Variants in ZC3H7B observed in about 807,000 individuals in gnomAD.
ZC3H7B encodes zinc finger CCCH domain-containing protein 7B.
In ZC3H7B, 35 loss-of-function variants were observed where a neutral mutation model predicts 116.0. That is an observed-to-expected ratio of 0.30 (90% CI 0.23 to 0.40). ZC3H7B has a LOEUF of 0.40. Ranked by LOEUF, ZC3H7B falls within the 10% of genes least tolerant of loss-of-function variation. The pLI, the probability that ZC3H7B is intolerant of heterozygous loss-of-function variation, is 1.00. For missense variants in ZC3H7B, 1,011 were observed against 1,321.5 expected (o/e 0.77, Z 3.64); for synonymous variants, 502 against 545.6 (o/e 0.92, Z 1.11).
chr22:41,320,406 G>C (rs2036239909), intron 1 of ZC3H7B, among the ~76,000 whole-genome samples: 3 of 152,076 alleles, frequency 2.0e-5, no homozygotes, highest in Admixed American at 2.0e-4. Flanking sequence ...GCCTGTGTGG[G>C]AAAGGGCAGG....
intron 1 of ZC3H7B, among the ~76,000 whole-genome samples, chr22:41,304,690 A>G (rs140319827): frequency 7.2e-5 from 11 of 152,210 alleles, no homozygotes; most frequent in African/African-American, 2.7e-4. Flanking sequence ...AGGGTGGAGA[A>G]GAAGGGAATT....
At chr22:41,310,480 A>G (rs887696757) in intron 1 of ZC3H7B, among the ~76,000 whole-genome samples, 22 of 152,250 alleles carry the variant, frequency 1.4e-4, no homozygotes, top group African/African-American at 5.1e-4. Flanking sequence ...CCTCCCTGTC[A>G]GCACAAGGCA....
At chr22:41,347,336 G>A (rs1428801573) in intron 14 of ZC3H7B, among the ~76,000 whole-genome samples, 3 of 152,228 alleles carry the variant, frequency 2.0e-5, no homozygotes, top group Non-Finnish European at 4.4e-5. Flanking sequence ...CCTTTCCTCG[G>A]CCCTCCTGGC....
rs915069613 is a variant in ZC3H7B, at chr22:41,308,895, G to C, written c.-7+7123G>C. 7.2e-5 allele frequency among the ~76,000 whole-genome samples: 11 copies of C among 151,902 alleles called. No individual in the cohort carries two copies. The East Asian group carries it at 1.9e-3, about 27-fold the overall frequency. On this transcript the variant is annotated intron_variant, in intron 1 of 22. Transcript: ENST00000352645. ...ACCTCAGGGCCATTGCCTGTGCCCT[G>C]TCCCCTGCTAGGTAGGTGCCCTCTT...
In ZC3H7B at chr22:41,338,815, G is replaced by T. The variant is rs924397469; in HGVS notation, c.626-186G>T. Reference sequence around the variant, plus strand: ...ACTGAGGGCCCCTCCCTGCTCTGGGGCTGTGGCCTTCCTTGACCACCCCCT... The same window carrying T: ...ACTGAGGGCCCCTCCCTGCTCTGGGTCTGTGGCCTTCCTTGACCACCCCCT... On this transcript the variant is annotated intron_variant, in intron 8 of 22. Coordinates refer to ENST00000352645, the MANE Select transcript of ZC3H7B (RefSeq NM_017590.6). This position sits in a 1 kb window ranked among gnomAD's most constrained non-coding sequence, Gnocchi z 4.5. Among the ~76,000 whole-genome samples, 9 of 152,162 alleles carry T rather than the reference G, an allele frequency of 5.9e-5. No individual in the cohort carries two copies. Among genetic ancestry groups the T allele is most frequent in the South Asian group, 4.1e-4 (2 of 4,834 alleles).
Position 41,339,050 on chromosome 22 carries a change from C to G in ZC3H7B, c.675C>G (p.Pro225=). 2.5e-6 allele frequency: 4 copies of G among 1,609,050 alleles called. No individual in the cohort carries two copies. Among genetic ancestry groups the G allele is most frequent in the Non-Finnish European group, 3.4e-6 (4 of 1,177,002 alleles). The stretch of plus-strand genomic sequence containing the variant: ...CCCCAGCCCTTCTCCCCTCCACGCC[C>G]ACGATGCCCCTGTTCCCTCACGTTC... ...RGSPALLPST[P]TMPLFPHVLD... is the part of the protein sequence containing the mutation. The change falls in exon 9 of 23, where the codon CCC becomes CCG. Residue 225 remains proline (P), a synonymous_variant. Coordinates refer to ENST00000352645, the MANE Select transcript of ZC3H7B (RefSeq NM_017590.6).
intron 1 of ZC3H7B, among the ~76,000 whole-genome samples, chr22:41,306,298 A>G (rs947373166): frequency 2.0e-5 from 3 of 152,106 alleles, no homozygotes; most frequent in Non-Finnish European, 4.4e-5. Context: ...AATTTTTATT[A>G]ATTTAGTAAT....
chr22:41,317,295 A>G (rs997467483), intron 1 of ZC3H7B, among the ~76,000 whole-genome samples: 7 of 152,136 alleles, frequency 4.6e-5, no homozygotes, highest in Non-Finnish European at 8.8e-5. Context: ...ACAGTCTTGA[A>G]TTGCCAATAC....
intron 1 of ZC3H7B, among the ~76,000 whole-genome samples, chr22:41,310,001 C>T (rs979056679): frequency 1.3e-5 from 2 of 151,790 alleles, no homozygotes; most frequent in East Asian, 1.9e-4. Context: ...TTCAGGAGAT[C>T]GAGACCATCC....
intron 14 of ZC3H7B, among the ~76,000 whole-genome samples, chr22:41,347,305 G>A (rs1285465640): frequency 3.3e-5 from 5 of 152,248 alleles, no homozygotes; most frequent in African/African-American, 1.2e-4. Context: ...ACGGCCCCAC[G>A]TCTCAGGCCT....
chr22:41,357,056 C>G lies in ZC3H7B; in HGVS notation c.2682-121C>G. ...TCAGGACACCCAGGTTTTCCCTGAG[C>G]TGGGACCCAGCTGCCCAGGGAGAGG... is the stretch of plus-strand genomic sequence containing the variant. On this transcript the variant is annotated intron_variant, in intron 22 of 22. Transcript: ENST00000352645. The surrounding 1 kb of genome is among the most constrained non-coding windows in gnomAD (Gnocchi z 5.4). 2.0e-6 allele frequency: 3 copies of G among 1,490,082 alleles called. No homozygotes were observed. The highest frequency in any genetic ancestry group is 2.7e-6 in the Non-Finnish European group (3 of 1,117,488). The allele number at this position is 1,490,082 out of a possible 1,614,324, so 92.3% of individuals were successfully genotyped here. A position where few individuals can be genotyped will look rare whatever the true frequency, so the allele number is the denominator to read the frequency against.
At position 41,325,785 on chromosome 22, in the gene ZC3H7B, A is replaced by C. The variant is rs772119479; in HGVS notation, c.152A>C (p.Asp51Ala). 2 of 1,613,908 alleles carry C rather than the reference A, an allele frequency of 1.2e-6. No homozygotes were observed. Among genetic ancestry groups the C allele is most frequent in the Non-Finnish European group, 1.7e-6 (2 of 1,179,972 alleles). ...GGCAATGATCTGTTCCGGGAGAAGG[A>C]CTATAAGCAGGCTCTGGTGCAGTAC... Reference protein sequence around the residue: ...AEGNDLFREKDYKQALVQYME... With the variant: ...AEGNDLFREKAYKQALVQYME... The change falls in exon 4 of 23, where the codon GAC (aspartate) becomes GCC (alanine). Residue 51 changes from aspartate (D) to alanine (A), a missense_variant. By Grantham distance (126) the Asp-to-Ala change is moderately radical (BLOSUM62 -2). This residue lies in a region of ZC3H7B where 322 missense variants were observed against 443.9 expected (regional missense o/e 0.73). Transcript: ENST00000352645.
At chr22:41,321,201 C>T (rs1039668319) in intron 2 of ZC3H7B, among the ~76,000 whole-genome samples, 1 of 151,204 alleles carries the variant, frequency 6.6e-6, no homozygotes, top group Non-Finnish European at 1.5e-5. Context: ...TGCACACCAC[C>T]ATACCCAGCT....
In ZC3H7B at chr22:41,357,042, A is replaced by T; in HGVS notation, c.2682-135A>T. ...GATCCCAGAGAGGGTCAGGACACCC[A>T]GGTTTTCCCTGAGCTGGGACCCAGC... On this transcript the variant is annotated intron_variant, in intron 22 of 22. Transcript: ENST00000352645. This position sits in a 1 kb window ranked among gnomAD's most constrained non-coding sequence, Gnocchi z 5.4. 1.4e-6 allele frequency: 2 copies of T among 1,435,886 alleles called. No individual in the cohort carries two copies. Among genetic ancestry groups the T allele is most frequent in the Non-Finnish European group, 1.9e-6 (2 of 1,074,982 alleles). 88.9% of individuals were successfully genotyped at this position (1,435,886 alleles called of 1,614,324 possible).
At chr22:41,339,213 G>A in intron 9 of ZC3H7B, 22 bp downstream of exon 9, 1 of 1,587,272 alleles carries the variant, frequency 6.3e-7, no homozygotes, top group Non-Finnish European at 8.6e-7. Context: ...CACCCTCCTT[G>A]TGCTCCCCTG....
At chr22:41,314,544 C>G (rs1250007176) in intron 1 of ZC3H7B, among the ~76,000 whole-genome samples, 1 of 152,096 alleles carries the variant, frequency 6.6e-6, no homozygotes, top group East Asian at 1.9e-4. Flanking sequence ...CACTTCGCCT[C>G]CCAAAGTGCT....
Position 41,327,134 on chromosome 22 carries a change from G to A in ZC3H7B, c.286-72G>A. 6.3e-7 allele frequency: 1 copy of A among 1,579,734 alleles called. No individual in the cohort carries two copies. The highest frequency in any genetic ancestry group is 1.3e-5 in the African/African-American group (1 of 74,556). ...GAAGGGAAGCTGGTGTTCCTTCCTA[G>A]GCAGGGGCAGGAGGCCTGGGGGAGG... On this transcript the variant is annotated intron_variant, in intron 4 of 22. Transcript: ENST00000352645. The surrounding 1 kb of genome is among the most constrained non-coding windows in gnomAD (Gnocchi z 4.5).
Position 41,325,915 on chromosome 22 carries a change from C to G in ZC3H7B, c.282C>G (p.Thr94=). 6.2e-7 allele frequency: 1 copy of G among 1,603,274 alleles called. No individual in the cohort carries two copies. The highest frequency in any genetic ancestry group is 1.1e-5 in the South Asian group (1 of 89,246). ...LHVNRAACYF[T]MGLYEKALED... is the part of the protein sequence containing the mutation. ...TCAATAGGGCCGCCTGCTACTTCAC[C>G]ATGGTGAGCCTGGCACCCTCTTTTC... The change falls in exon 4 of 23, where the codon ACC becomes ACG. Residue 94 remains threonine (T), a synonymous_variant. Transcript: ENST00000352645.
intron 5 of ZC3H7B, among the ~76,000 whole-genome samples, chr22:41,329,165 A>G (rs986542846): frequency 2.7e-5 from 4 of 149,950 alleles, no homozygotes; most frequent in Non-Finnish European, 4.4e-5. Context: ...AGATCGCGCC[A>G]CTGCACTCCA....
Sources: allele counts gnomAD v4.1 joint callset (sites outside exome capture counted in the v4.1 genomes callset), GRCh38; gene constraint gnomAD v4.1.1; regional missense constraint gnomAD v4.1.1; non-coding constraint Gnocchi (gnomAD v3.1); transcripts MANE v1.5; gene names NCBI Gene and HGNC (gene_info 2026-07-23, HGNC 2026-07-21).